The following MAP3K7CL variants were observed in gnomAD, a reference collection of about 807,000 sequenced individuals.
MAP3K7CL encodes the protein MAP3K7 C-terminal-like protein.
Under a neutral mutation model 18.6 loss-of-function variants are expected in MAP3K7CL, and 16 were observed. That is an observed-to-expected ratio of 0.86 (90% CI 0.58 to 1.31). MAP3K7CL has a LOEUF of 1.31. Among genes scored for constraint, MAP3K7CL ranks in the 50% most tolerant of loss-of-function variants. The pLI is 0.00. For synonymous variants in MAP3K7CL, 65 were observed against 66.8 expected (o/e 0.97, Z 0.13); for missense variants, 163 against 174.4 (o/e 0.93, Z 0.37).
Position 29,138,889 on chromosome 21 carries a change from C to T in MAP3K7CL, c.70+5475C>T, listed in dbSNP as rs141154478. On this transcript the variant is annotated intron_variant, in intron 2 of 4. Transcript: ENST00000399928. ...AATTCCTGGGGCACTTGCTTGAGTC[C>T]AGAGGATCAAGGCTGCAGTGAGCCA... Among the ~76,000 whole-genome samples the T allele has an allele frequency of 4.9e-4, 74 of 152,160 alleles. 1 individual carries two copies. In the East Asian group the frequency reaches 0.01, roughly 21 times the overall value.
At chr21:29,132,950 CT>C (rs1215653441) in intron 1 of MAP3K7CL, among the ~76,000 whole-genome samples, 1 of 152,164 alleles carries the variant, frequency 6.6e-6, no homozygotes, top group African/African-American at 2.4e-5. Flanking sequence ...GACTATATCT[CT>C]TTTTATCCTC....
intron 4 of MAP3K7CL, among the ~76,000 whole-genome samples, chr21:29,105,790 T>A (rs916748052): frequency 2.0e-5 from 3 of 152,174 alleles, no homozygotes; most frequent in African/African-American, 7.2e-5. Context: ...TGTATGGGAC[T>A]AAGGTGAGTC....
intron 4 of MAP3K7CL, among the ~76,000 whole-genome samples, chr21:29,097,116 G>T (rs2086136895): frequency 6.6e-6 from 1 of 152,064 alleles, no homozygotes; most frequent in African/African-American, 2.4e-5. Flanking sequence ...GTAGGGGTAA[G>T]GGATACTACC....
intron 4 of MAP3K7CL, among the ~76,000 whole-genome samples, chr21:29,169,186 T>C (rs181264829): frequency 6.6e-6 from 1 of 152,368 alleles, no homozygotes; most frequent in East Asian, 1.9e-4. Context: ...TGGCCCACAA[T>C]GTCAGTTGTA....
chr21:29,086,434 T>TACCTGGGTG (rs2085927051), intron 1 of MAP3K7CL, among the ~76,000 whole-genome samples: 1 of 152,136 alleles, frequency 6.6e-6, no homozygotes, highest in Non-Finnish European at 1.5e-5. Flanking sequence ...CCACCCAGCT[T>TACCTGGGTG]GGAAAACAGA....
At chr21:29,137,632 G>A (rs2086914659) in intron 2 of MAP3K7CL, among the ~76,000 whole-genome samples, 1 of 152,162 alleles carries the variant, frequency 6.6e-6, no homozygotes, top group African/African-American at 2.4e-5. Flanking sequence ...AGAACATGGT[G>A]TGTTCAGAAA....
Position 29,175,788 on chromosome 21 carries a change from T to G in MAP3K7CL, c.*896T>G, listed in dbSNP as rs1181410630. 1 of 152,276 alleles carries G rather than the reference T, an allele frequency of 6.6e-6. No homozygotes were observed. The highest frequency in any genetic ancestry group is 1.5e-5 in the Non-Finnish European group (1 of 68,052). 9.4% of individuals were successfully genotyped at this position (152,276 alleles called of 1,614,324 possible). A position where few individuals can be genotyped will look rare whatever the true frequency, so the allele number is the denominator to read the frequency against. On this transcript the variant is annotated 3_prime_UTR_variant, in exon 5 of 5. Coordinates refer to ENST00000399928, the MANE Select transcript of MAP3K7CL (RefSeq NM_001286620.2). ...AATTCAGAATTGAAACAATTTCTCC[T>G]TGTTCTACCTATCACCACATTTTCT...
chr21:29,160,792 C>T (rs1258963890), intron 4 of MAP3K7CL, among the ~76,000 whole-genome samples: 1 of 152,206 alleles, frequency 6.6e-6, no homozygotes, highest in Non-Finnish European at 1.5e-5. Context: ...ACATCTCCTA[C>T]TAGGTGGTAA....
chr21:29,113,099 T>C (rs2065270), intron 4 of MAP3K7CL, among the ~76,000 whole-genome samples: 75,494 of 152,108 alleles, frequency 0.5, 18,861 homozygotes, highest in East Asian at 0.64. Context: ...CCGGCCCCAT[T>C]TATCTATATC....
At chr21:29,126,811 C>A (rs2086689286), upstream of MAP3K7CL, among the ~76,000 whole-genome samples, 1 of 152,048 alleles carries the variant, frequency 6.6e-6, no homozygotes, top group Non-Finnish European at 1.5e-5. Flanking sequence ...TTGTGCTGAC[C>A]TCTGGATATA....
chr21:29,092,427 A>T, intron 3 of MAP3K7CL: 1 of 1,613,826 alleles, frequency 6.2e-7, no homozygotes, highest in Non-Finnish European at 8.5e-7. Context: ...TTTGGCCTTG[A>T]TCTTTATTTA....
chr21:29,169,988 C>T (rs972433766), intron 4 of MAP3K7CL, among the ~76,000 whole-genome samples: 5 of 152,146 alleles, frequency 3.3e-5, no homozygotes, highest in African/African-American at 9.7e-5. Context: ...TGGTCTTCTA[C>T]CCCCATATTA....
intron 4 of MAP3K7CL, among the ~76,000 whole-genome samples, chr21:29,168,781 T>C (rs1322299564): frequency 6.6e-6 from 1 of 152,196 alleles, no homozygotes; most frequent in Non-Finnish European, 1.5e-5. Context: ...ATTCAAAAAA[T>C]TGCAACCTCA....
intron 4 of MAP3K7CL, among the ~76,000 whole-genome samples, chr21:29,096,994 G>A (rs78937201): frequency 0.031 from 4,659 of 152,200 alleles, 253 homozygotes; most frequent in African/African-American, 0.11. Flanking sequence ...TTAAAATCTC[G>A]GCTAAGAACT....
At chr21:29,125,055 A>T (rs1262963569) in intron 4 of MAP3K7CL, among the ~76,000 whole-genome samples, 1 of 152,178 alleles carries the variant, frequency 6.6e-6, no homozygotes, top group Admixed American at 6.5e-5. Context: ...CACAATGCAA[A>T]CCCAGGTCTT....
intron 4 of MAP3K7CL, among the ~76,000 whole-genome samples, chr21:29,124,929 T>C (rs2086657944): frequency 6.6e-6 from 1 of 152,172 alleles, no homozygotes; most frequent in Non-Finnish European, 1.5e-5. Context: ...CTGAAAAACC[T>C]AAAATATTTA....
At chr21:29,120,017 G>A (rs1408177829) in intron 4 of MAP3K7CL, among the ~76,000 whole-genome samples, 1 of 152,146 alleles carries the variant, frequency 6.6e-6, no homozygotes, top group Non-Finnish European at 1.5e-5. Context: ...CTTTAGGTTG[G>A]AAATAATTTT....
At chr21:29,143,246 A>G (rs2087048213) in intron 2 of MAP3K7CL, among the ~76,000 whole-genome samples, 2 of 152,166 alleles carry the variant, frequency 1.3e-5, no homozygotes, top group Non-Finnish European at 2.9e-5. Flanking sequence ...GTGTGATCAC[A>G]TAGGTCCAAT....
intron 4 of MAP3K7CL, among the ~76,000 whole-genome samples, chr21:29,101,667 C>T (rs879426145): frequency 6.6e-6 from 1 of 152,100 alleles, no homozygotes; most frequent in Non-Finnish European, 1.5e-5. Context: ...CTTGGCCTCC[C>T]GAAGTGCTGG....
Sources: allele counts gnomAD v4.1 joint callset (sites outside exome capture counted in the v4.1 genomes callset), GRCh38; gene constraint gnomAD v4.1.1; transcripts MANE v1.5; gene names NCBI Gene and HGNC (gene_info 2026-07-23, HGNC 2026-07-21).